The following SRPK2 variants were observed in gnomAD, a reference collection of about 807,000 sequenced individuals.
SRPK2 encodes SRSF protein kinase 2.
A neutral mutation model predicts 90.8 loss-of-function variants in SRPK2; 21 were observed. That is an observed-to-expected ratio of 0.23 (90% CI 0.16 to 0.33). SRPK2 has a LOEUF of 0.33. Ranked by LOEUF, SRPK2 falls within the 10% of genes least tolerant of loss-of-function variation. The pLI, the probability that SRPK2 is intolerant of heterozygous loss-of-function variation, is 1.00. For missense variants in SRPK2, 620 were observed against 869.0 expected (o/e 0.71, Z 3.60); for synonymous variants, 288 against 311.1 (o/e 0.93, Z 0.78).
chr7:105,186,769 C>T (rs1176142525), intron 3 of SRPK2, among the ~76,000 whole-genome samples: 1 of 152,174 alleles, frequency 6.6e-6, no homozygotes, highest in East Asian at 1.9e-4. Context: ...ATAAAAGGAA[C>T]ACAGCTTCCA....
In SRPK2 at chr7:105,182,907, G is replaced by A. The variant is rs377481283; in HGVS notation, c.230-13642C>T. Among the ~76,000 whole-genome samples, 27 of 152,082 alleles carry A rather than the reference G, an allele frequency of 1.8e-4. No individual in the cohort carries two copies. In the South Asian group the frequency reaches 4.8e-3, roughly 27 times the overall value. ...CAAGTAGTATCATATAAAACACTAC[G>A]AAGACAACTGTATAGGGGAAAAAAA... On this transcript the variant is annotated intron_variant, in intron 3 of 15. Coordinates refer to ENST00000393651, the MANE Select transcript of SRPK2 (RefSeq NM_182692.3).
chr7:105,264,928 G>T (rs1034079327), intron 2 of SRPK2, among the ~76,000 whole-genome samples: 3 of 152,072 alleles, frequency 2.0e-5, no homozygotes, highest in African/African-American at 7.2e-5. Context: ...TGACCACTCT[G>T]GGCTCAACTT....
intron 7 of SRPK2, among the ~76,000 whole-genome samples, chr7:105,158,112 C>T (rs534996768): frequency 2.5e-4 from 38 of 152,050 alleles, no homozygotes; most frequent in Admixed American, 2.4e-3. Flanking sequence ...ATTTAATCTT[C>T]GGTTCATTCA....
chr7:105,271,042 G>A (rs1805766467), intron 2 of SRPK2, among the ~76,000 whole-genome samples: 2 of 152,098 alleles, frequency 1.3e-5, no homozygotes, highest in African/African-American at 4.8e-5. Context: ...TGTTATTGTA[G>A]GTGGGAACTT....
chr7:105,269,306 TA>T (rs1805516318), intron 2 of SRPK2, among the ~76,000 whole-genome samples: 1 of 152,140 alleles, frequency 6.6e-6, no homozygotes, highest in African/African-American at 2.4e-5. Flanking sequence ...TCACTAGCCC[TA>T]AAAAATATGG....
intron 2 of SRPK2, among the ~76,000 whole-genome samples, chr7:105,372,442 G>C (rs1004310055): frequency 2.0e-5 from 3 of 152,104 alleles, no homozygotes; most frequent in Admixed American, 6.6e-5. Context: ...TGGGGAATGA[G>C]GAAACTTAGA....
intron 2 of SRPK2, among the ~76,000 whole-genome samples, chr7:105,385,465 C>T (rs1470925895): frequency 1.3e-5 from 2 of 152,098 alleles, no homozygotes; most frequent in East Asian, 1.9e-4. Context: ...CGTGAGCCAC[C>T]GCGCCCGGAC....
chr7:105,393,097 G>C (rs1446696501), upstream of SRPK2, among the ~76,000 whole-genome samples: 1 of 151,620 alleles, frequency 6.6e-6, no homozygotes, highest in Non-Finnish European at 1.5e-5. Context: ...AGGCTCAAGT[G>C]ATTCTCCTGC....
chr7:105,288,953 CT>C (rs961974391), intron 2 of SRPK2, among the ~76,000 whole-genome samples: 2 of 151,932 alleles, frequency 1.3e-5, no homozygotes, highest in African/African-American at 4.8e-5. Flanking sequence ...TCTAGTTTTC[CT>C]TTTTTTAAAA....
intron 2 of SRPK2, among the ~76,000 whole-genome samples, chr7:105,320,836 C>CACTAGGA (rs1245071850): frequency 8.4e-4 from 128 of 152,100 alleles, no homozygotes; most frequent in African/African-American, 3.0e-3. Flanking sequence ...GAACACTAGG[C>CACTAGGA]ACAACTGGGT....
In SRPK2 at chr7:105,301,470, T is replaced by C. The variant is rs567572565; in HGVS notation, c.71+87178A>G. ...CTGGGCCGCTGCCCTCGCTTTGTCT[T>C]CGTTGTTGCAAGCACCGTCCACTCA... On this transcript the variant is annotated intron_variant, in intron 2 of 15. Transcript: ENST00000393651. The C allele has an allele frequency of 2.0e-4, 201 of 988,012 alleles. No homozygotes were observed. The African/African-American group carries it at 3.0e-3, about 15-fold the overall frequency. The allele number at this position is 988,012 out of a possible 1,614,324, so 61.2% of individuals were successfully genotyped here.
At chr7:105,243,887 G>A (rs1209215754) in intron 2 of SRPK2, among the ~76,000 whole-genome samples, 1 of 152,168 alleles carries the variant, frequency 6.6e-6, no homozygotes, top group East Asian at 1.9e-4. Context: ...GACCTTTGTC[G>A]GGAATTCTGG....
chr7:105,343,966 G>A (rs1816143713), intron 2 of SRPK2, among the ~76,000 whole-genome samples: 1 of 152,078 alleles, frequency 6.6e-6, no homozygotes, highest in South Asian at 2.1e-4. Flanking sequence ...GTTTCATCAT[G>A]TTGGCCAGGC....
intron 2 of SRPK2, among the ~76,000 whole-genome samples, chr7:105,220,943 A>G (rs1227158928): frequency 6.6e-6 from 1 of 152,204 alleles, no homozygotes; most frequent in East Asian, 1.9e-4. Context: ...TTGGTACTGG[A>G]GGTAAATAAG....
At chr7:105,320,359 T>C (rs921379154) in intron 2 of SRPK2, among the ~76,000 whole-genome samples, 1 of 152,198 alleles carries the variant, frequency 6.6e-6, no homozygotes, top group Admixed American at 6.5e-5. Context: ...AGGAACTACA[T>C]CTTCAAAATG....
At chr7:105,143,437 A>G (rs1775886004) in intron 9 of SRPK2, 107 bp from the exon 10 acceptor site, 1 of 1,383,340 alleles carries the variant, frequency 7.2e-7, no homozygotes, top group Non-Finnish European at 9.7e-7. Context: ...TTCTCATGCC[A>G]TATTCTATTA....
intron 2 of SRPK2, chr7:105,298,787 A>G (rs1810172909): frequency 3.0e-6 from 3 of 985,338 alleles, no homozygotes; most frequent in Non-Finnish European, 3.6e-6. Context: ...AACAGAGCCC[A>G]CCTCCCGCTG....
chr7:105,116,134 A>T (rs1036569586), downstream of SRPK2, among the ~76,000 whole-genome samples: 2 of 152,174 alleles, frequency 1.3e-5, no homozygotes, highest in African/African-American at 4.8e-5. Flanking sequence ...TATGTTTTTG[A>T]TGAACCATGG....
At position 105,117,801 on chromosome 7, in the gene SRPK2, C is replaced by T. The variant is rs1381209886; in HGVS notation, c.*37G>A. On this transcript the variant is annotated 3_prime_UTR_variant, in exon 16 of 16. Coordinates refer to ENST00000393651, the MANE Select transcript of SRPK2 (RefSeq NM_182692.3). The stretch of plus-strand genomic sequence containing the variant: ...CCGTTTAGGTCCAATGTACTGGGAA[C>T]ATTTGCTAGCTCAGAATGCAATATT... 1 of 1,607,004 alleles carries T rather than the reference C, an allele frequency of 6.2e-7. No homozygotes were observed. The highest frequency in any genetic ancestry group is 8.5e-7 in the Non-Finnish European group (1 of 1,175,820).
Sources: gnomAD v4.1 joint callset for allele counts (sites outside exome capture counted in the v4.1 genomes callset) on GRCh38, gnomAD v4.1.1 for gene constraint, MANE v1.5 for transcripts, NCBI Gene and HGNC (gene_info 2026-07-23, HGNC 2026-07-21) for gene names.